The following OPCML variants were observed in gnomAD, a reference collection of about 807,000 sequenced individuals.
The protein encoded by OPCML is opioid-binding protein/cell adhesion molecule.
OPCML carries 13 observed loss-of-function variants against 37.8 expected under a neutral mutation model. The ratio of observed to expected loss-of-function variants is 0.34; its 90% CI spans 0.22 to 0.55. The LOEUF (loss-of-function observed/expected upper bound fraction) is 0.55, where lower values mean the gene tolerates loss of function less well. Among genes scored for constraint, OPCML ranks in the 20% least tolerant of loss-of-function variants. The pLI, the probability that OPCML is intolerant of heterozygous loss-of-function variation, is 0.91. For synonymous variants in OPCML, 176 were observed against 168.8 expected (o/e 1.04, Z -0.33); for missense variants, 341 against 435.6 (o/e 0.78, Z 1.93).
At position 133,208,052 on chromosome 11, in the gene OPCML, G is replaced by A. The variant is rs187748530; in HGVS notation, c.62-265042C>T. Reference sequence around the variant, plus strand: ...TTAACCACCCTAGGCAAGGTTAAGAGCTCCTTACTCTGAGCTCCCATAGCA... The same window carrying A: ...TTAACCACCCTAGGCAAGGTTAAGAACTCCTTACTCTGAGCTCCCATAGCA... On this transcript the variant is annotated intron_variant, in intron 1 of 7. Coordinates refer to ENST00000524381, the MANE Select transcript of OPCML (RefSeq NM_001012393.5). The surrounding 1 kb of genome is among the most constrained non-coding windows in gnomAD (Gnocchi z 8.9). Among the ~76,000 whole-genome samples, 11 of 152,282 alleles carry A rather than the reference G, an allele frequency of 7.2e-5. No individual in the cohort carries two copies. Among genetic ancestry groups the A allele is most frequent in the Non-Finnish European group, 1.2e-4 (8 of 68,036 alleles).
chr11:132,445,865 C>T (rs540934101), intron 4 of OPCML, among the ~76,000 whole-genome samples: 4 of 152,282 alleles, frequency 2.6e-5, no homozygotes, highest in Admixed American at 2.6e-4. Flanking sequence ...TTACAGTGTG[C>T]TCAGATCTCC....
At chr11:132,508,471 A>G (rs1367800165) in intron 4 of OPCML, among the ~76,000 whole-genome samples, 3 of 104,796 alleles carry the variant, frequency 2.9e-5, no homozygotes, top group Admixed American at 1.3e-4. Context: ...CAAAAAAAAC[A>G]TTGGACAAAA....
chr11:133,408,315 G>T (rs755255105), intron 1 of OPCML, among the ~76,000 whole-genome samples: 9 of 152,186 alleles, frequency 5.9e-5, no homozygotes, highest in Non-Finnish European at 1.2e-4. Flanking sequence ...CACAATGGTG[G>T]TGAATTAAAT....
chr11:132,924,722 C>A (rs1944930019), intron 2 of OPCML, among the ~76,000 whole-genome samples: 1 of 152,196 alleles, frequency 6.6e-6, no homozygotes, highest in South Asian at 2.1e-4. Flanking sequence ...TATGCCTAAG[C>A]ATAGGCTGTT....
chr11:133,097,568 A>G (rs1236273765), intron 1 of OPCML, among the ~76,000 whole-genome samples: 1 of 152,196 alleles, frequency 6.6e-6, no homozygotes, highest in African/African-American at 2.4e-5. Context: ...GAGAAAATCA[A>G]TGAAACCAAA....
In OPCML at chr11:133,140,206, A is replaced by ATAATAG. The variant is rs1367426488; in HGVS notation, c.62-197197_62-197196insCTATTA. On this transcript the variant is annotated intron_variant, in intron 1 of 7. Coordinates refer to ENST00000524381, the MANE Select transcript of OPCML (RefSeq NM_001012393.5). ...CGTCTCAATAATAATAATAATAATA[A>ATAATAG]TAATAATAATAATAATACTGATAGG... Among the ~76,000 whole-genome samples, 349 of 139,940 alleles carry ATAATAG rather than the reference A, an allele frequency of 2.5e-3. 2 individuals carry two copies. The highest frequency in any genetic ancestry group is 9.1e-3 in the African/African-American group (334 of 36,664). 91.8% of individuals were successfully genotyped at this position (139,940 alleles called of 152,430 possible). A position where few individuals can be genotyped will look rare whatever the true frequency, so the allele number is the denominator to read the frequency against.
chr11:133,499,656 C>T (rs1304730345), intron 1 of OPCML, among the ~76,000 whole-genome samples: 1 of 151,636 alleles, frequency 6.6e-6, no homozygotes, highest in Non-Finnish European at 1.5e-5. Context: ...GAAGGGTCAC[C>T]CACCTGCTGC....
At chr11:132,778,898 A>C (rs2136144080) in intron 2 of OPCML, among the ~76,000 whole-genome samples, 1 of 149,794 alleles carries the variant, frequency 6.7e-6, no homozygotes, top group Admixed American at 6.6e-5. Context: ...TTAACTGAAT[A>C]TTCCTTTTTT....
intron 1 of OPCML, among the ~76,000 whole-genome samples, chr11:133,309,375 T>C (rs895134885): frequency 4.6e-5 from 7 of 152,236 alleles, no homozygotes; most frequent in South Asian, 2.1e-4. Flanking sequence ...TGAGAAAACA[T>C]CAGTTAAATC....
chr11:133,504,524 C>A (rs1205190704), intron 1 of OPCML, among the ~76,000 whole-genome samples: 1 of 152,176 alleles, frequency 6.6e-6, no homozygotes, highest in African/African-American at 2.4e-5. Context: ...TAAAAGACTG[C>A]CCCGCTTCCA....
chr11:132,954,712 T>C (rs1030905542), intron 1 of OPCML, among the ~76,000 whole-genome samples: 3 of 152,114 alleles, frequency 2.0e-5, no homozygotes, highest in Non-Finnish European at 4.4e-5. Context: ...TTTGCATACA[T>C]GGGAGCTGAA....
intron 1 of OPCML, among the ~76,000 whole-genome samples, chr11:133,126,606 G>A (rs1458738342): frequency 2.0e-5 from 3 of 152,128 alleles, no homozygotes; most frequent in African/African-American, 7.2e-5. Context: ...TTAAAGAATG[G>A]ATAAAAATCT....
At chr11:132,932,633 G>C (rs1443804297) in intron 2 of OPCML, among the ~76,000 whole-genome samples, 1 of 150,850 alleles carries the variant, frequency 6.6e-6, no homozygotes, top group Non-Finnish European at 1.5e-5. Flanking sequence ...CTAGAATAGT[G>C]CTGGTGGGTA....
intron 4 of OPCML, among the ~76,000 whole-genome samples, chr11:132,485,753 T>A (rs1461246524): frequency 1.3e-5 from 2 of 152,230 alleles, no homozygotes; most frequent in African/African-American, 4.8e-5. Context: ...TATTGCTGAG[T>A]AATATTCCAT....
At chr11:133,520,018 G>A (rs1445440535) in intron 1 of OPCML, among the ~76,000 whole-genome samples, 1 of 152,122 alleles carries the variant, frequency 6.6e-6, no homozygotes, top group Non-Finnish European at 1.5e-5. Flanking sequence ...AGACCTTTAT[G>A]AATATTAAGA....
At chr11:132,767,465 T>G (rs1031238951) in intron 2 of OPCML, among the ~76,000 whole-genome samples, 1 of 152,222 alleles carries the variant, frequency 6.6e-6, no homozygotes, top group African/African-American at 2.4e-5. Flanking sequence ...AGTTCTTCAC[T>G]AATTCCTTCT....
chr11:132,530,603 G>A (rs955741086), intron 3 of OPCML, among the ~76,000 whole-genome samples: 3 of 151,940 alleles, frequency 2.0e-5, no homozygotes, highest in African/African-American at 7.3e-5. Flanking sequence ...GAGCTCTCTG[G>A]AGTCGAACGC....
chr11:133,258,085 A>G (rs1026072302), intron 1 of OPCML, among the ~76,000 whole-genome samples: 2 of 152,160 alleles, frequency 1.3e-5, no homozygotes, highest in East Asian at 1.9e-4. Flanking sequence ...TCTTGCTGGC[A>G]TGACAAACCA....
At chr11:133,266,566 A>G (rs1012228123) in intron 1 of OPCML, among the ~76,000 whole-genome samples, 2 of 152,188 alleles carry the variant, frequency 1.3e-5, no homozygotes, top group Admixed American at 6.5e-5. Context: ...ACTCATGTCT[A>G]TCTTGCTCAG....
Sources: gnomAD v4.1 joint callset for allele counts (sites outside exome capture counted in the v4.1 genomes callset) on GRCh38, gnomAD v4.1.1 for gene constraint, Gnocchi (gnomAD v3.1) non-coding constraint, MANE v1.5 for transcripts, NCBI Gene and HGNC (gene_info 2026-07-23, HGNC 2026-07-21) for gene names.